The following SLC35A3 variants were observed in gnomAD, a reference collection of about 807,000 sequenced individuals.
SLC35A3 encodes the protein solute carrier family 35 member A3.
Under a neutral mutation model 39.0 loss-of-function variants are expected in SLC35A3, and 26 were observed. That is an observed-to-expected ratio of 0.67 (90% CI 0.49 to 0.92). SLC35A3 has a LOEUF of 0.92. Ranked by LOEUF, SLC35A3 falls within the 40% of genes least tolerant of loss-of-function variation. The pLI, the probability that SLC35A3 is intolerant of heterozygous loss-of-function variation, is 0.00. For missense variants in SLC35A3, 299 were observed against 371.6 expected (o/e 0.80, Z 1.61); for synonymous variants, 135 against 133.1 (o/e 1.01, Z -0.10).
At chr1:100,011,303 C>T (rs1243648391) in intron 4 of SLC35A3, 62 bp from the exon 5 acceptor site, 3 of 863,634 alleles carry the variant, frequency 3.5e-6, no homozygotes, top group African/African-American at 3.4e-5. Flanking sequence ...AGTGGGCTCT[C>T]AATATGTTTA....
rs1658469252 is a variant in SLC35A3 at position 99,997,410 on chromosome 1, T to TATATATATATATATA, written c.188-1851_188-1850insATATATATATATATA. Among the ~76,000 whole-genome samples, 28 of 92,100 alleles carry TATATATATATATATA rather than the reference T, an allele frequency of 3.0e-4. 1 individual carries two copies. The highest frequency in any genetic ancestry group is 5.4e-4 in the African/African-American group (10 of 18,656). 60.4% of individuals were successfully genotyped at this position (92,100 alleles called of 152,430 possible). A position where few individuals can be genotyped will look rare whatever the true frequency, so the allele number is the denominator to read the frequency against. On this transcript the variant is annotated intron_variant, in intron 2 of 7. Coordinates refer to ENST00000533028, the MANE Select transcript of SLC35A3 (RefSeq NM_012243.3). ...ACAGTTATATGTTTTATATATAGTTTTATATATATATATATATATATATAT... is the reference window on the plus strand; with the variant it reads ...ACAGTTATATGTTTTATATATAGTTTATATATATATATATATATATATATATATATATATATATAT...
intron 2 of SLC35A3, among the ~76,000 whole-genome samples, chr1:99,997,592 C>T (rs1658498941): frequency 6.8e-6 from 1 of 146,932 alleles, no homozygotes; most frequent in Non-Finnish European, 1.5e-5. Context: ...TTTTACCATC[C>T]AGGAATTTTC....
intron 4 of SLC35A3, among the ~76,000 whole-genome samples, chr1:100,010,816 T>G (rs1294390401): frequency 6.6e-6 from 1 of 152,216 alleles, no homozygotes; most frequent in Non-Finnish European, 1.5e-5. Context: ...CATAGGGTAC[T>G]ATCCCTGGTG....
intron 1 of SLC35A3, among the ~76,000 whole-genome samples, chr1:99,976,852 T>A (rs2101031270): frequency 6.6e-6 from 1 of 152,256 alleles, no homozygotes; most frequent in South Asian, 2.1e-4. Flanking sequence ...AAATTGCCTA[T>A]TGGGTATTAT....
At chr1:99,995,918 A>G (rs1658375147) in intron 2 of SLC35A3, among the ~76,000 whole-genome samples, 1 of 152,240 alleles carries the variant, frequency 6.6e-6, no homozygotes, top group Admixed American at 6.5e-5. Context: ...AGCCAAACTG[A>G]GATGGTAGTG....
intron 1 of SLC35A3, among the ~76,000 whole-genome samples, chr1:99,990,365 G>A (rs1473819092): frequency 6.6e-6 from 1 of 152,086 alleles, no homozygotes; most frequent in Non-Finnish European, 1.5e-5. Context: ...CATGAGGTCA[G>A]GAGATCGAGA....
intron 1 of SLC35A3, among the ~76,000 whole-genome samples, chr1:99,991,937 C>A (rs1322256730): frequency 6.6e-6 from 1 of 152,054 alleles, no homozygotes; most frequent in Non-Finnish European, 1.5e-5. Context: ...TTAGTAGAGA[C>A]GAGGTTTCAC....
intron 6 of SLC35A3, 189 bp downstream of exon 6, chr1:100,015,609 G>T: frequency 1.9e-6 from 1 of 531,984 alleles, no homozygotes; most frequent in Non-Finnish European, 2.9e-6. Context: ...TTTTGTACAG[G>T]GGTCTTTAAT....
chr1:99,977,927 T>C (rs1363028734), intron 1 of SLC35A3, among the ~76,000 whole-genome samples: 1 of 152,200 alleles, frequency 6.6e-6, no homozygotes, highest in Non-Finnish European at 1.5e-5. Flanking sequence ...AATTCTATCT[T>C]AATGAGTAAT....
chr1:100,004,116 A>G (rs1266806733), intron 3 of SLC35A3, among the ~76,000 whole-genome samples: 4 of 152,148 alleles, frequency 2.6e-5, no homozygotes, highest in Non-Finnish European at 5.9e-5. Context: ...TTACATTCAC[A>G]GTTATTATTG....
chr1:100,035,049 G>C lies in SLC35A3; in HGVS notation c.*12573G>C, dbSNP rs1287152494. The C allele has an allele frequency of 1.3e-5, 2 of 152,164 alleles. No individual in the cohort carries two copies. The highest frequency in any genetic ancestry group is 2.1e-4 in the South Asian group (1 of 4,830). The allele number at this position is 152,164 out of a possible 1,614,324, so 9.4% of individuals were successfully genotyped here. A position where few individuals can be genotyped will look rare whatever the true frequency, so the allele number is the denominator to read the frequency against. ...TGAGATATCAGTCTCTTAGCGCAAAGTTTGTGAATACGGTCATCCCTCCAT... is the reference window on the plus strand; with the variant it reads ...TGAGATATCAGTCTCTTAGCGCAAACTTTGTGAATACGGTCATCCCTCCAT... On this transcript the variant is annotated 3_prime_UTR_variant, in exon 8 of 8. Transcript: ENST00000533028.
chr1:100,016,984 G>C (rs576351), intron 6 of SLC35A3, among the ~76,000 whole-genome samples: 1 of 152,138 alleles, frequency 6.6e-6, no homozygotes, highest in African/African-American at 2.4e-5. Context: ...CATAATTTAC[G>C]ACTTTCTCTA....
At chr1:99,986,244 A>G (rs1278873478) in intron 1 of SLC35A3, among the ~76,000 whole-genome samples, 1 of 148,216 alleles carries the variant, frequency 6.7e-6, no homozygotes, top group Non-Finnish European at 1.5e-5. Flanking sequence ...GGTTCACTGC[A>G]GCCTCGACCT....
intron 1 of SLC35A3, among the ~76,000 whole-genome samples, chr1:99,982,787 T>A (rs981377023): frequency 6.6e-6 from 1 of 152,212 alleles, no homozygotes; most frequent in Non-Finnish European, 1.5e-5. Flanking sequence ...TGAAATTTTC[T>A]TGTATATTTT....
At chr1:99,981,908 T>A (rs1176176807) in intron 1 of SLC35A3, among the ~76,000 whole-genome samples, 1 of 152,048 alleles carries the variant, frequency 6.6e-6, no homozygotes, top group African/African-American at 2.4e-5. Flanking sequence ...ATACACAGAC[T>A]GAGAAAGTAT....
intron 2 of SLC35A3, among the ~76,000 whole-genome samples, chr1:99,997,182 C>A (rs775894463): frequency 6.6e-6 from 1 of 151,588 alleles, no homozygotes; most frequent in Non-Finnish European, 1.5e-5. Context: ...AAAGACTTCC[C>A]GGCTTCCTTG....
At chr1:100,015,769 T>C (rs2101430399) in intron 6 of SLC35A3, 1 of 231,296 alleles carries the variant, frequency 4.3e-6, no homozygotes, top group African/African-American at 2.2e-5. Context: ...GAAGCAGATC[T>C]AGATATTTAA....
At chr1:99,970,667 G>T in intron 1 of SLC35A3, 3 of 1,510,014 alleles carry the variant, frequency 2.0e-6, no homozygotes, top group Non-Finnish European at 2.7e-6. Flanking sequence ...AGAACACAAG[G>T]ACTGTTTGAA....
At position 100,028,766 on chromosome 1, in the gene SLC35A3, T is replaced by C. The variant is rs553746952; in HGVS notation, c.*6290T>C. ...CAAAGATTTGAGCTTCTGCTATGGC[T>C]GAGAGTGTTTTGGTCATTGCAAATT... is the stretch of plus-strand genomic sequence containing the variant. On this transcript the variant is annotated 3_prime_UTR_variant, in exon 8 of 8. Coordinates refer to ENST00000533028, the MANE Select transcript of SLC35A3 (RefSeq NM_012243.3). The C allele has an allele frequency of 2.0e-5, 3 of 152,278 alleles. No individual in the cohort carries two copies. Among genetic ancestry groups the C allele is most frequent in the Non-Finnish European group, 4.4e-5 (3 of 68,068 alleles). 9.4% of individuals were successfully genotyped at this position (152,278 alleles called of 1,614,324 possible).
Sources: gnomAD v4.1 joint callset for allele counts (sites outside exome capture counted in the v4.1 genomes callset) on GRCh38, gnomAD v4.1.1 for gene constraint, MANE v1.5 for transcripts, NCBI Gene and HGNC (gene_info 2026-07-23, HGNC 2026-07-21) for gene names.